The following NRXN3 variants were observed in gnomAD, a reference collection of about 807,000 sequenced individuals.
NRXN3 encodes the protein neurexin III.
In NRXN3, 32 loss-of-function variants were observed where a neutral mutation model predicts 137.6. The observed-to-expected ratio is 0.23, with a 90% CI of 0.18 to 0.31. NRXN3 has a LOEUF of 0.31. Ranked by LOEUF, NRXN3 falls within the 10% of genes least tolerant of loss-of-function variation. The probability of loss-of-function intolerance (pLI) is 1.00; values close to 1 mark genes in which losing one functional copy is unlikely to be tolerated. For missense variants in NRXN3, 1,574 were observed against 2,062.5 expected, an observed-to-expected ratio of 0.76 and a Z score of 4.59; for synonymous variants, 798 against 784.5, an observed-to-expected ratio of 1.02 and a Z score of -0.29.
intron 4 of NRXN3, among the ~76,000 whole-genome samples, chr14:78,334,778 C>G (rs1055739887): frequency 2.6e-5 from 4 of 151,958 alleles, no homozygotes; most frequent in African/African-American, 9.7e-5. Context: ...TTAGGGAGTC[C>G]TATTTCTTTG....
intron 15 of NRXN3, among the ~76,000 whole-genome samples, chr14:79,344,224 C>G (rs997392549): frequency 8.5e-5 from 13 of 152,140 alleles, no homozygotes; most frequent in Admixed American, 7.9e-4. Context: ...GGTCTGCCAA[C>G]TCCAGATCCT....
intron 4 of NRXN3, among the ~76,000 whole-genome samples, chr14:78,380,607 T>A (rs952653793): frequency 2.6e-5 from 4 of 152,138 alleles, no homozygotes; most frequent in African/African-American, 9.7e-5. Flanking sequence ...AAGAAAAGAT[T>A]CTTCCCTAAA....
At chr14:78,255,724 C>T (rs10142940) in intron 2 of NRXN3, among the ~76,000 whole-genome samples, 78,819 of 152,070 alleles carry the variant, frequency 0.52, 20,839 homozygotes, top group Middle Eastern at 0.62. Flanking sequence ...CTAAATGTCA[C>T]GTCTCTGACA....
chr14:78,223,426 G>A (rs1237289229), intron 1 of NRXN3, among the ~76,000 whole-genome samples: 1 of 152,150 alleles, frequency 6.6e-6, no homozygotes, highest in African/African-American at 2.4e-5. Context: ...AATTCTTGTT[G>A]AATTTCTTTT....
intron 15 of NRXN3, among the ~76,000 whole-genome samples, chr14:79,362,240 G>T (rs1318139265): frequency 6.6e-6 from 1 of 151,770 alleles, no homozygotes; most frequent in Non-Finnish European, 1.5e-5. Context: ...ATGTTGGTGT[G>T]CTGCACCCAT....
intron 15 of NRXN3, among the ~76,000 whole-genome samples, chr14:79,222,485 A>G (rs914943847): frequency 6.6e-6 from 1 of 152,048 alleles, no homozygotes; most frequent in Non-Finnish European, 1.5e-5. Context: ...TGCTATGAAC[A>G]CTCATGTGTA....
At chr14:79,517,353 C>G (rs2097002181) in intron 16 of NRXN3, among the ~76,000 whole-genome samples, 1 of 152,134 alleles carries the variant, frequency 6.6e-6, no homozygotes. Flanking sequence ...TTGATTTCTA[C>G]TAGAGAGACT....
At chr14:79,644,821 C>T (rs2098446707) in intron 16 of NRXN3, among the ~76,000 whole-genome samples, 1 of 135,852 alleles carries the variant, frequency 7.4e-6, no homozygotes, top group Non-Finnish European at 1.7e-5. Flanking sequence ...CATATATTAT[C>T]TCATTTGATC....
intron 1 of NRXN3, among the ~76,000 whole-genome samples, chr14:78,235,002 A>ATATATATATATATATATATATATGTG (rs2066023693): frequency 4.2e-5 from 2 of 47,424 alleles, no homozygotes; most frequent in South Asian, 6.3e-4. Flanking sequence ...TTTTATATAT[A>ATATATATATATATATATATATATGTG]TATATATATA....
chr14:79,281,341 C>G (rs1388019881), intron 15 of NRXN3, among the ~76,000 whole-genome samples: 3 of 152,102 alleles, frequency 2.0e-5, no homozygotes, highest in Non-Finnish European at 4.4e-5. Flanking sequence ...GGGTTTTACT[C>G]CAAACAACCC....
At chr14:79,501,358 C>T (rs1276158268) in intron 16 of NRXN3, among the ~76,000 whole-genome samples, 1 of 152,056 alleles carries the variant, frequency 6.6e-6, no homozygotes, top group Non-Finnish European at 1.5e-5. Flanking sequence ...AGATCTTGTT[C>T]TGTTTTTATT....
chr14:79,222,664 T>A (rs1481338605), intron 15 of NRXN3, among the ~76,000 whole-genome samples: 2 of 152,184 alleles, frequency 1.3e-5, no homozygotes, highest in African/African-American at 4.8e-5. Context: ...GACTTTCTGT[T>A]ACTCGACATC....
chr14:78,466,993 T>TA (rs1451862408), intron 4 of NRXN3, among the ~76,000 whole-genome samples: 1 of 152,032 alleles, frequency 6.6e-6, no homozygotes. Flanking sequence ...ACTTAAAAGT[T>TA]AAAAAAAAGA....
At chr14:79,537,030 G>A (rs1304949258) in intron 16 of NRXN3, among the ~76,000 whole-genome samples, 3 of 152,090 alleles carry the variant, frequency 2.0e-5, no homozygotes, top group Admixed American at 2.0e-4. Context: ...TTGAGGAATT[G>A]CCACACTGTT....
intron 15 of NRXN3, among the ~76,000 whole-genome samples, chr14:78,988,626 A>C (rs547388904): frequency 6.6e-6 from 1 of 152,194 alleles, no homozygotes; most frequent in Non-Finnish European, 1.5e-5. Flanking sequence ...TGACAAAGAC[A>C]TTCAAGAGTT....
At chr14:79,476,275 G>C (rs1423825117) in intron 16 of NRXN3, among the ~76,000 whole-genome samples, 3 of 152,108 alleles carry the variant, frequency 2.0e-5, no homozygotes, top group African/African-American at 7.2e-5. Flanking sequence ...GTTGCAACTT[G>C]TTAGTGTTTC....
chr14:79,228,084 G>A (rs2071405340), intron 15 of NRXN3, among the ~76,000 whole-genome samples: 1 of 152,136 alleles, frequency 6.6e-6, no homozygotes, highest in African/African-American at 2.4e-5. Context: ...ACCTTTGCCT[G>A]CCCTGAAATT....
At chr14:79,053,490 G>T (rs996045223) in intron 15 of NRXN3, among the ~76,000 whole-genome samples, 3 of 152,126 alleles carry the variant, frequency 2.0e-5, no homozygotes, top group Non-Finnish European at 2.9e-5. Flanking sequence ...TTTCCTTGAT[G>T]GTCAGGAAGA....
intron 15 of NRXN3, among the ~76,000 whole-genome samples, chr14:79,091,670 G>A (rs1191761603): frequency 6.6e-6 from 1 of 152,122 alleles, no homozygotes; most frequent in Non-Finnish European, 1.5e-5. Context: ...ACGGTGTCAG[G>A]ATAATTATAG....
Sources: gnomAD v4.1 joint callset for allele counts (sites outside exome capture counted in the v4.1 genomes callset) on GRCh38, gnomAD v4.1.1 for gene constraint, MANE v1.5 for transcripts, NCBI Gene and HGNC (gene_info 2026-07-23, HGNC 2026-07-21) for gene names.